LUZP2: variants seen among roughly 807,000 people sequenced by gnomAD.
LUZP2 encodes the protein leucine zipper protein 2.
LUZP2 carries 52 observed loss-of-function variants against 51.6 expected under a neutral mutation model. That is an observed-to-expected ratio of 1.01 (90% CI 0.81 to 1.27). LUZP2 has a LOEUF of 1.27. Among genes scored for constraint, LUZP2 ranks in the 50% most tolerant of loss-of-function variants. The pLI is 0.00. For missense variants in LUZP2, 436 were observed against 395.4 expected (o/e 1.10, Z -0.87); for synonymous variants, 154 against 137.3 (o/e 1.12, Z -0.85).
intron 5 of LUZP2, among the ~76,000 whole-genome samples, chr11:24,824,809 G>A (rs923224808): frequency 2.0e-5 from 3 of 151,832 alleles, no homozygotes; most frequent in South Asian, 2.1e-4. Context: ...GTGTTCATGC[G>A]TGGTACCATG....
At chr11:24,604,654 T>G (rs1395980258) in intron 1 of LUZP2, among the ~76,000 whole-genome samples, 2 of 151,880 alleles carry the variant, frequency 1.3e-5, no homozygotes, top group African/African-American at 4.8e-5. Flanking sequence ...TCATTTACCA[T>G]TTGTTTGACT....
intron 5 of LUZP2, among the ~76,000 whole-genome samples, chr11:24,862,665 G>A (rs1364890630): frequency 6.6e-6 from 1 of 152,058 alleles, no homozygotes; most frequent in Non-Finnish European, 1.5e-5. Flanking sequence ...GACACACATA[G>A]GCTCAAAATT....
chr11:25,001,805 G>T (rs1420351726), intron 9 of LUZP2, among the ~76,000 whole-genome samples: 2 of 151,434 alleles, frequency 1.3e-5, no homozygotes, highest in Non-Finnish European at 2.9e-5. Context: ...CTTCCTCTCT[G>T]TCTCCTTCTC....
At chr11:24,937,676 C>T (rs1015001871) in intron 7 of LUZP2, among the ~76,000 whole-genome samples, 3 of 151,580 alleles carry the variant, frequency 2.0e-5, no homozygotes, top group Non-Finnish European at 2.9e-5. Context: ...CCGAGGTGGG[C>T]GGATCATGAG....
At chr11:24,794,428 C>T (rs1472887710) in intron 5 of LUZP2, among the ~76,000 whole-genome samples, 4 of 152,160 alleles carry the variant, frequency 2.6e-5, no homozygotes, top group Non-Finnish European at 2.9e-5. Flanking sequence ...TCCAACAGTG[C>T]GTATTTTCAG....
At chr11:24,538,084 C>T (rs148682662) in intron 1 of LUZP2, among the ~76,000 whole-genome samples, 1 of 151,728 alleles carries the variant, frequency 6.6e-6, no homozygotes, top group Non-Finnish European at 1.5e-5. Context: ...CATGCACACA[C>T]CGCAAGATGT....
chr11:24,779,130 C>T (rs1013017360), intron 5 of LUZP2, among the ~76,000 whole-genome samples: 1 of 152,140 alleles, frequency 6.6e-6, no homozygotes, highest in Non-Finnish European at 1.5e-5. Flanking sequence ...AAAGTTTCAT[C>T]ATTGCACCTA....
At chr11:24,769,707 G>T (rs567417314) in intron 5 of LUZP2, among the ~76,000 whole-genome samples, 9,797 of 41,908 alleles carry the variant, frequency 0.23, 741 homozygotes, top group African/African-American at 0.39. Context: ...TTTTTTTTTT[G>T]GGATTATAAT....
chr11:24,513,845 T>C (rs1426699134), intron 1 of LUZP2, among the ~76,000 whole-genome samples: 1 of 152,196 alleles, frequency 6.6e-6, no homozygotes, highest in African/African-American at 2.4e-5. Context: ...ATGTAGACAG[T>C]GTTTATCTCA....
chr11:24,732,756 A>G (rs1164948946), intron 3 of LUZP2, among the ~76,000 whole-genome samples: 1 of 151,798 alleles, frequency 6.6e-6, no homozygotes, highest in Non-Finnish European at 1.5e-5. Context: ...AAGAAAAACA[A>G]GTATTTTAAT....
chr11:25,026,866 AATT>A (rs1179113343), intron 9 of LUZP2, among the ~76,000 whole-genome samples: 26 of 141,318 alleles, frequency 1.8e-4, no homozygotes, highest in Admixed American at 7.1e-5. Context: ...TTATTTTTTT[AATT>A]ATTATTTTTT....
chr11:24,646,240 G>A (rs1410239068), intron 1 of LUZP2, among the ~76,000 whole-genome samples: 1 of 152,036 alleles, frequency 6.6e-6, no homozygotes, highest in Non-Finnish European at 1.5e-5. Flanking sequence ...AAATGAGAAA[G>A]TAATACTGAT....
intron 1 of LUZP2, among the ~76,000 whole-genome samples, chr11:24,640,939 A>G (rs1855256034): frequency 1.3e-5 from 2 of 150,344 alleles, no homozygotes; most frequent in African/African-American, 2.5e-5. Context: ...ATATGTATGT[A>G]TGTGTATATC....
chr11:25,022,683 C>A (rs938542943), intron 9 of LUZP2, among the ~76,000 whole-genome samples: 2 of 151,994 alleles, frequency 1.3e-5, no homozygotes, highest in African/African-American at 2.4e-5. Context: ...TCTAGGAAAT[C>A]TGTGTTCCTA....
chr11:24,549,825 A>T (rs1241403787), intron 1 of LUZP2, among the ~76,000 whole-genome samples: 1 of 152,076 alleles, frequency 6.6e-6, no homozygotes, highest in Non-Finnish European at 1.5e-5. Context: ...CGTTAACTAA[A>T]ACCACCAAAA....
At chr11:24,924,409 T>C (rs1316369865) in intron 7 of LUZP2, among the ~76,000 whole-genome samples, 2 of 152,098 alleles carry the variant, frequency 1.3e-5, no homozygotes, top group Non-Finnish European at 2.9e-5. Flanking sequence ...CTCCCCTTTT[T>C]ACTTTCCTCT....
rs1590118298 is a variant in LUZP2, at chr11:24,510,402, C to G, written c.62+13097C>G. The stretch of plus-strand genomic sequence containing the variant: ...TTGTCTTGGGTACATTTCATAAGTT[C>G]CTGTAAGTACCTGCCTGCAACCCTT... On this transcript the variant is annotated intron_variant, in intron 1 of 11. Coordinates refer to ENST00000336930, the MANE Select transcript of LUZP2 (RefSeq NM_001009909.4). Among the ~76,000 whole-genome samples the G allele has an allele frequency of 3.9e-5, 6 of 152,304 alleles. No homozygotes were observed. The South Asian group carries it at 1.2e-3, about 32-fold the overall frequency.
At chr11:24,785,437 C>T (rs1295696148) in intron 5 of LUZP2, among the ~76,000 whole-genome samples, 1 of 151,894 alleles carries the variant, frequency 6.6e-6, no homozygotes, top group Non-Finnish European at 1.5e-5. Context: ...TTAAATAAAG[C>T]ATGGACCTTG....
intron 1 of LUZP2, among the ~76,000 whole-genome samples, chr11:24,568,090 C>A (rs747201872): frequency 6.6e-6 from 1 of 151,916 alleles, no homozygotes; most frequent in African/African-American, 2.4e-5. Context: ...TTCCAAAATG[C>A]GAATAGTTTG....
Sources: gnomAD v4.1 joint callset for allele counts (sites outside exome capture counted in the v4.1 genomes callset) on GRCh38, gnomAD v4.1.1 for gene constraint, MANE v1.5 for transcripts, NCBI Gene and HGNC (gene_info 2026-07-23, HGNC 2026-07-21) for gene names.